MKKS: variants seen among roughly 807,000 people sequenced by gnomAD.
The protein encoded by MKKS is MKKS centrosomal shuttling protein.
Under a neutral mutation model 33.2 loss-of-function variants are expected in MKKS, and 29 were observed. The observed-to-expected ratio is 0.87, with a 90% confidence interval of 0.65 to 1.19. MKKS has a LOEUF of 1.19. Ranked by LOEUF, MKKS falls within the 50% of genes most tolerant of loss-of-function variation. MKKS has a pLI of 0.00. For missense variants in MKKS, 661 were observed against 662.3 expected, an observed-to-expected ratio of 1.00 and a Z score of 0.02; for synonymous variants, 260 against 244.0, an observed-to-expected ratio of 1.07 and a Z score of -0.61.
intron 1 of MKKS, among the ~76,000 whole-genome samples, chr20:10,427,081 A>G (rs868792860): frequency 2.1e-4 from 18 of 85,700 alleles, no homozygotes; most frequent in Admixed American, 1.6e-3. Flanking sequence ...CACACACACA[A>G]AGTAAGGTTA....
At position 10,408,743 on chromosome 20, in the gene MKKS, T is replaced by C. The variant is rs367618891; in HGVS notation, c.1046A>G (p.Asp349Gly). 1.2e-6 allele frequency: 2 copies of C among 1,613,782 alleles called. No individual in the cohort carries two copies. Among genetic ancestry groups the C allele is most frequent in the African/African-American group, 2.7e-5 (2 of 74,934 alleles). ...ICPNSYGSVK[D>G]VCTAKFGSKH... ...GGAGCCAAATTTTGCAGTGCACACA[T>C]CTTTCACACTTCCATAACTATTAGG... The change falls in exon 4 of 6, where the codon GAT becomes GGT. Residue 349 changes from aspartate to glycine, a missense_variant. Physicochemically the swap from Asp to Gly is moderately conservative, Grantham distance 94. Transcript: ENST00000347364.
rs572274742 is a variant in MKKS, at chr20:10,403,874, T to A, written c.*1373A>T. ...TCAGGTGGGGCTGATACCTAACATA[T>A]ATGGATGGCATTGCTGCTTGTATTG... On this transcript the variant is annotated 3_prime_UTR_variant, in exon 6 of 6. Transcript: ENST00000347364. 5 of 152,330 alleles carry A rather than the reference T, an allele frequency of 3.3e-5. No homozygotes were observed. Among genetic ancestry groups the A allele is most frequent in the Admixed American group, 6.5e-5 (1 of 15,298 alleles). 9.4% of individuals were successfully genotyped at this position (152,330 alleles called of 1,614,324 possible). A position where few individuals can be genotyped will look rare whatever the true frequency, so the allele number is the denominator to read the frequency against.
intron 2 of MKKS, among the ~76,000 whole-genome samples, chr20:10,419,602 AG>A (rs2064965528): frequency 6.6e-6 from 1 of 152,176 alleles, no homozygotes; most frequent in Non-Finnish European, 1.5e-5. Context: ...CCTATGATAA[AG>A]TTCAATTTAT....
intron 1 of MKKS, among the ~76,000 whole-genome samples, chr20:10,430,041 AAAAAC>A (rs1413076495): frequency 6.6e-6 from 1 of 151,840 alleles, no homozygotes; most frequent in Admixed American, 6.6e-5. Context: ...CAAAAAACAA[AAAAAC>A]AAAAACAAAA....
Position 10,427,029 on chromosome 20 carries a change from G to GACACACACACACACACACACAC in MKKS, c.-648-6293_-648-6272dup, listed in dbSNP as rs377703248. ...TTAAAGGCCAAGAAAAGAAAACACTGACACACACACACACACACACACACA... is the reference window on the plus strand; with the variant it reads ...TTAAAGGCCAAGAAAAGAAAACACTGACACACACACACACACACACACACACACACACACACACACACACACA... On this transcript the variant is annotated intron_variant, in intron 1 of 5. Coordinates refer to ENST00000347364, the MANE Select transcript of MKKS (RefSeq NM_170784.3). 1.6e-3 allele frequency among the ~76,000 whole-genome samples: 213 copies of GACACACACACACACACACACAC among 130,778 alleles called. 1 individual carries two copies. Among genetic ancestry groups the GACACACACACACACACACACAC allele is most frequent in the Non-Finnish European group, 2.3e-3 (148 of 63,722 alleles). 85.8% of individuals were successfully genotyped at this position (130,778 alleles called of 152,430 possible).
chr20:10,405,353 T>A lies in MKKS; in HGVS notation c.1607A>T (p.Asn536Ile), dbSNP rs758133032. 5.6e-6 allele frequency: 9 copies of A among 1,614,174 alleles called. 1 individual carries two copies. The South Asian group carries it at 9.9e-5, about 18-fold the overall frequency. The change falls in exon 6 of 6, where the codon AAC becomes ATC. Residue 536 changes from asparagine to isoleucine, a missense_variant. By Grantham distance (149) the Asn-to-Ile change is moderately radical (BLOSUM62 -3). Coordinates refer to ENST00000347364, the MANE Select transcript of MKKS (RefSeq NM_170784.3). ...TGCAGTCAAACAGTCCAAGGTCAGG[T>A]TGCTGGCTGAGCCCACAGCTTCATG... is the stretch of plus-strand genomic sequence containing the variant. ...LPHEAVGSASNLTLDCLTAKL... is the reference protein window; with the variant it reads ...LPHEAVGSASILTLDCLTAKL...
Position 10,412,648 on chromosome 20 carries a change from A to C in MKKS, c.867T>G (p.Asp289Glu). Residue 289 changes from aspartate to glutamate, a missense_variant, in exon 3 of 6, where the codon GAT (aspartate) becomes GAG (glutamate). Coordinates refer to ENST00000347364, the MANE Select transcript of MKKS (RefSeq NM_170784.3). The part of the protein sequence containing the change: ...LGRQLISDHV[D>E]LVLCQKVIHP... ...GTATAACTTTTTGGCACAGGACAAGATCTACGTGGTCACTGATTAGCTGCC... is the reference window on the plus strand; with the variant it reads ...GTATAACTTTTTGGCACAGGACAAGCTCTACGTGGTCACTGATTAGCTGCC... The C allele has an allele frequency of 6.2e-7, 1 of 1,614,174 alleles. No individual in the cohort carries two copies. The highest frequency in any genetic ancestry group is 8.5e-7 in the Non-Finnish European group (1 of 1,180,028).
rs2064823393 is a variant in MKKS at position 10,403,700 on chromosome 20, C to T, written c.*1547G>A. 1 of 152,152 alleles carries T rather than the reference C, an allele frequency of 6.6e-6. No individual in the cohort carries two copies. The highest frequency in any genetic ancestry group is 1.5e-5 in the Non-Finnish European group (1 of 68,056). 9.4% of individuals were successfully genotyped at this position (152,152 alleles called of 1,614,324 possible). A position where few individuals can be genotyped will look rare whatever the true frequency, so the allele number is the denominator to read the frequency against. ...GGAAATGGGAGACATAAAGGAGTCACTAAGTCTAGCCCATGCTCAAGGGGA... is the reference window on the plus strand; with the variant it reads ...GGAAATGGGAGACATAAAGGAGTCATTAAGTCTAGCCCATGCTCAAGGGGA... On this transcript the variant is annotated 3_prime_UTR_variant, in exon 6 of 6. Coordinates refer to ENST00000347364, the MANE Select transcript of MKKS (RefSeq NM_170784.3).
rs940839947 is a variant in MKKS at position 10,401,317 on chromosome 20, T to C, written c.*3930A>G. 84 of 152,192 alleles carry C rather than the reference T, an allele frequency of 5.5e-4. No homozygotes were observed. The highest frequency in any genetic ancestry group is 2.0e-3 in the African/African-American group (81 of 41,452). 9.4% of individuals were successfully genotyped at this position (152,192 alleles called of 1,614,324 possible). On this transcript the variant is annotated 3_prime_UTR_variant, in exon 6 of 6. Coordinates refer to ENST00000347364, the MANE Select transcript of MKKS (RefSeq NM_170784.3). ...GGGTTTAGGTGCATCTAAATTCAAA[T>C]TCTGTAGATGATTGGCAAAAACTTC...
At position 10,405,382 on chromosome 20, in the gene MKKS, A is replaced by C. The variant is rs756442707; in HGVS notation, c.1578T>G (p.Leu526=). The change falls in exon 6 of 6, where the codon CTT becomes CTG. Residue 526 remains leucine (L), a synonymous_variant. Coordinates refer to ENST00000347364, the MANE Select transcript of MKKS (RefSeq NM_170784.3). ...TGGCTGAGCCCACAGCTTCATGTGGAAGGCAGCTTTGTGGCACAAATGGAC... is the reference window on the plus strand; with the variant it reads ...TGGCTGAGCCCACAGCTTCATGTGGCAGGCAGCTTTGTGGCACAAATGGAC... ...TRRPFVPQSC[L]PHEAVGSASN... is the part of the protein sequence containing the mutation. 37 of 1,614,206 alleles carry C rather than the reference A, an allele frequency of 2.3e-5. No homozygotes were observed. The highest frequency in any genetic ancestry group is 3.0e-5 in the Non-Finnish European group (35 of 1,180,030).
At chr20:10,433,786 G>C (rs1489659300) in intron 1 of MKKS, among the ~76,000 whole-genome samples, 1 of 152,168 alleles carries the variant, frequency 6.6e-6, no homozygotes, top group African/African-American at 2.4e-5. Flanking sequence ...GGGACGGGGA[G>C]TCACAGGTTC....
rs766647529 is a variant in MKKS at position 10,405,605 on chromosome 20, C to T, written c.1355G>A (p.Ser452Asn). 2 of 1,614,122 alleles carry T rather than the reference C, an allele frequency of 1.2e-6. No homozygotes were observed. The highest frequency in any genetic ancestry group is 2.2e-5 in the South Asian group (2 of 91,076). The change falls in exon 6 of 6, where the codon AGT becomes AAT. Residue 452 changes from serine (S) to asparagine (N), a missense_variant. By Grantham distance (46) the Ser-to-Asn change is conservative (BLOSUM62 1). Coordinates refer to ENST00000347364, the MANE Select transcript of MKKS (RefSeq NM_170784.3). ...AGAGCCAACAACAGATTCTAGGGCA[C>T]TGCAAAATGCTTCAGCAATTAATTG... The part of the protein sequence containing the change: ...ELQLIAEAFC[S>N]ALESVVGSLE...
At position 10,405,366 on chromosome 20, in the gene MKKS, C is replaced by G; in HGVS notation, c.1594G>C (p.Gly532Arg). 1 of 1,614,182 alleles carries G rather than the reference C, an allele frequency of 6.2e-7. No homozygotes were observed. Among genetic ancestry groups the G allele is most frequent in the Non-Finnish European group, 8.5e-7 (1 of 1,180,034 alleles). ...TCCAAGGTCAGGTTGCTGGCTGAGC[C>G]CACAGCTTCATGTGGAAGGCAGCTT... Reference protein sequence around the residue: ...PQSCLPHEAVGSASNLTLDCL... With the variant: ...PQSCLPHEAVRSASNLTLDCL... The change falls in exon 6 of 6, where the codon GGC (glycine) becomes CGC (arginine). Residue 532 changes from glycine (G) to arginine (R), a missense_variant. By Grantham distance (125) the Gly-to-Arg change is moderately radical. Coordinates refer to ENST00000347364, the MANE Select transcript of MKKS (RefSeq NM_170784.3).
Position 10,407,600 on chromosome 20 carries a change from G to A in MKKS, c.1272+16C>T, listed in dbSNP as rs2064851847. 1.2e-6 allele frequency: 2 copies of A among 1,602,894 alleles called. No homozygotes were observed. Among genetic ancestry groups the A allele is most frequent in the African/African-American group, 1.3e-5 (1 of 74,656 alleles). On this transcript the variant is annotated intron_variant, in intron 5 of 5. Transcript: ENST00000347364. ...GCTGAGAATTCAGGTAATCCGAAGA[G>A]GATTATCTTACATACCTTGTGTCTG...
intron 3 of MKKS, among the ~76,000 whole-genome samples, chr20:10,410,170 T>C (rs2064872559): frequency 6.6e-6 from 1 of 152,086 alleles, no homozygotes; most frequent in Non-Finnish European, 1.5e-5. Context: ...TATAATTTCT[T>C]TCACATGGTG....
chr20:10,412,223 T>C (rs2064893905), intron 3 of MKKS, among the ~76,000 whole-genome samples: 1 of 152,218 alleles, frequency 6.6e-6, no homozygotes, highest in Non-Finnish European at 1.5e-5. Flanking sequence ...AAGAATTTTG[T>C]GTAAAGTATG....
intron 1 of MKKS, among the ~76,000 whole-genome samples, chr20:10,427,159 A>G (rs1485244520): frequency 6.6e-6 from 1 of 151,902 alleles, no homozygotes; most frequent in East Asian, 1.9e-4. Context: ...AGATTATTCT[A>G]TCTAGCATAG....
rs2064860642 is a variant in MKKS at position 10,408,778 on chromosome 20, GC to G, written c.1010del (p.Gly337AlafsTer11). 6.2e-7 allele frequency: 1 copy of G among 1,613,614 alleles called. No homozygotes were observed. Among genetic ancestry groups the G allele is most frequent in the African/African-American group, 1.3e-5 (1 of 75,006 alleles). On this transcript the variant is annotated frameshift_variant, in exon 4 of 6. Transcript: ENST00000347364. LOFTEE classifies it high-confidence loss of function. Reference sequence around the variant, plus strand: ...TTCCATAACTATTAGGACATATTGAGCCTAGGGATCCAATAGGCTGTGTTCC... The same window carrying G: ...TTCCATAACTATTAGGACATATTGAGCTAGGGATCCAATAGGCTGTGTTCC... ...MTGTQPIGSL[G>X]SICPNSYGSV... is the part of the protein sequence containing the mutation.
chr20:10,421,216 G>T (rs1353737760), intron 1 of MKKS, among the ~76,000 whole-genome samples: 1 of 152,128 alleles, frequency 6.6e-6, no homozygotes, highest in East Asian at 1.9e-4. Context: ...GATTGCCTGA[G>T]GTCAGGAGTT....
Sources: allele counts gnomAD v4.1 joint callset (sites outside exome capture counted in the v4.1 genomes callset), GRCh38; gene constraint gnomAD v4.1.1; transcripts MANE v1.5; gene names NCBI Gene and HGNC (gene_info 2026-07-23, HGNC 2026-07-21).